FAM3B: variants seen among roughly 807,000 people sequenced by gnomAD.
FAM3B encodes the protein FAM3 metabolism regulating signaling molecule B, also known as protein FAM3B.
FAM3B carries 29 observed loss-of-function variants against 28.4 expected under a neutral mutation model. The ratio of observed to expected loss-of-function variants is 1.02; its 90% confidence interval spans 0.76 to 1.39. The LOEUF (loss-of-function observed/expected upper bound fraction) is 1.39. Ranked by LOEUF, FAM3B falls within the 40% of genes most tolerant of loss-of-function variation. The pLI is 0.00. For missense variants in FAM3B, 266 were observed against 293.9 expected, an observed-to-expected ratio of 0.91 and a Z score of 0.69; for synonymous variants, 91 against 103.0, an observed-to-expected ratio of 0.88 and a Z score of 0.71.
chr21:41,346,945 G>T (rs569403728), intron 5 of FAM3B, 68 bp from the exon 6 acceptor site: 1 of 1,383,118 alleles, frequency 7.2e-7, no homozygotes, highest in South Asian at 1.2e-5. Flanking sequence ...GCAGGAGGAA[G>T]CCCAGCACCC....
intron 1 of FAM3B, among the ~76,000 whole-genome samples, chr21:41,307,745 A>G (rs978200258): frequency 6.6e-6 from 1 of 152,230 alleles, no homozygotes; most frequent in Non-Finnish European, 1.5e-5. Flanking sequence ...ACACACATAT[A>G]TGGATGAAGT....
Position 41,344,765 on chromosome 21 carries a change from G to T in FAM3B, c.346+231G>T, listed in dbSNP as rs77751326. ...AAATATAGACTTTATTTTAAAAAAAGAAAAAAACAGAGGGATAGGCCAAAG... is the reference window on the plus strand; with the variant it reads ...AAATATAGACTTTATTTTAAAAAAATAAAAAAACAGAGGGATAGGCCAAAG... On this transcript the variant is annotated intron_variant, in intron 4 of 7. Transcript: ENST00000357985. 2.0e-5 allele frequency among the ~76,000 whole-genome samples: 3 copies of T among 152,124 alleles called. 1 individual carries two copies. The highest frequency in any genetic ancestry group is 2.9e-5 in the Non-Finnish European group (2 of 67,964).
At chr21:41,348,161 G>C (rs536524883) in intron 6 of FAM3B, among the ~76,000 whole-genome samples, 4 of 152,010 alleles carry the variant, frequency 2.6e-5, no homozygotes, top group Non-Finnish European at 5.9e-5. Context: ...TTTCCTTTTT[G>C]ATGTGGACTT....
intron 7 of FAM3B, among the ~76,000 whole-genome samples, chr21:41,353,618 T>C (rs1488555409): frequency 1.3e-5 from 2 of 152,218 alleles, no homozygotes; most frequent in South Asian, 2.1e-4. Flanking sequence ...TGGAAAAGAA[T>C]AGACTTGGAC....
intron 1 of FAM3B, chr21:41,320,291 T>C (rs1418611233): frequency 3.9e-5 from 6 of 152,142 alleles, no homozygotes; most frequent in Non-Finnish European, 5.9e-5. Flanking sequence ...TTAAAATTTT[T>C]TGTAGACATG....
chr21:41,334,546 T>C (rs923654739), intron 2 of FAM3B, among the ~76,000 whole-genome samples: 1 of 152,144 alleles, frequency 6.6e-6, no homozygotes, highest in Non-Finnish European at 1.5e-5. Flanking sequence ...TCACATGATA[T>C]TAAGCCTGCA....
chr21:41,319,150 C>CT (rs1266043400), intron 1 of FAM3B, among the ~76,000 whole-genome samples: 3 of 152,252 alleles, frequency 2.0e-5, no homozygotes, highest in Admixed American at 6.6e-5. Context: ...GGTTCCTTAG[C>CT]TTTCCAAAAT....
At chr21:41,347,158 C>CT in intron 6 of FAM3B, 58 bp downstream of exon 6, 1 of 1,432,918 alleles carries the variant, frequency 7.0e-7, no homozygotes, top group Non-Finnish European at 9.9e-7. Context: ...GGGGCAGAGG[C>CT]TGCCAGGGTC....
chr21:41,329,719 A>G (rs897632927), intron 2 of FAM3B, among the ~76,000 whole-genome samples: 1 of 151,930 alleles, frequency 6.6e-6, no homozygotes, highest in Non-Finnish European at 1.5e-5. Context: ...ACAGGTGCTC[A>G]CCACCTCACC....
At chr21:41,334,519 A>T (rs1276214835) in intron 2 of FAM3B, among the ~76,000 whole-genome samples, 2 of 152,194 alleles carry the variant, frequency 1.3e-5, no homozygotes, top group Admixed American at 1.3e-4. Flanking sequence ...GGTGCAGGCC[A>T]TAAGCCTGGG....
At position 41,357,111 on chromosome 21, in the gene FAM3B, A is replaced by T. The variant is rs1423451300; in HGVS notation, c.622A>T (p.Asn208Tyr). The T allele has an allele frequency of 1.9e-6, 3 of 1,611,302 alleles. No homozygotes were observed. The highest frequency in any genetic ancestry group is 2.5e-6 in the Non-Finnish European group (3 of 1,178,520). ...AACTCTTCTTTTCTCTACACAGATC[A>T]ACCACTCTGATGCTAAGAACAACAG... ...LPSEIQREKI[N>Y]HSDAKNNRYS... is the part of the protein sequence containing the mutation. The change falls in exon 8 of 8, where the codon AAC becomes TAC. Residue 208 changes from asparagine (N) to tyrosine (Y), a missense_variant. Physicochemically the swap from Asn to Tyr is moderately radical, Grantham distance 143 (BLOSUM62 -2). Transcript: ENST00000357985.
At chr21:41,323,349 T>TC (rs751981846) in intron 2 of FAM3B, among the ~76,000 whole-genome samples, 2 of 152,150 alleles carry the variant, frequency 1.3e-5, no homozygotes, top group African/African-American at 4.8e-5. Context: ...CTTGGCTTCC[T>TC]CCCCTGGGAA....
intron 1 of FAM3B, chr21:41,320,207 C>T (rs996581005): frequency 6.6e-6 from 1 of 152,150 alleles, no homozygotes; most frequent in Admixed American, 6.6e-5. Context: ...GTTCTGGGCT[C>T]AGGCAATCCT....
At chr21:41,311,837 C>T (rs2088716067), upstream of FAM3B, among the ~76,000 whole-genome samples, 1 of 152,118 alleles carries the variant, frequency 6.6e-6, no homozygotes, top group Non-Finnish European at 1.5e-5. Flanking sequence ...AAAGACATAC[C>T]TGAGACTGGG....
intron 1 of FAM3B, among the ~76,000 whole-genome samples, chr21:41,317,923 G>A (rs531277461): frequency 1.3e-5 from 2 of 152,198 alleles, no homozygotes; most frequent in Admixed American, 6.6e-5. Context: ...CACTGTTTTC[G>A]ATAACTTGTG....
chr21:41,332,706 G>C (rs1344433580), intron 2 of FAM3B, among the ~76,000 whole-genome samples: 1 of 152,000 alleles, frequency 6.6e-6, no homozygotes, highest in African/African-American at 2.4e-5. Context: ...CACATTTATT[G>C]GTCTGTTCCT....
rs116559929 is a variant in FAM3B, at chr21:41,309,658, C to A, written n.99+5348C>A. ...GAGAGCCATGGATTTTCTGTACAGA[C>A]ACATTTGGCACATTCAGGAGACTCA... On this transcript the variant is annotated intron_variant and non_coding_transcript_variant, in intron 1 of 9. Transcript: ENST00000479810. Among the ~76,000 whole-genome samples, 718 of 152,310 alleles carry A rather than the reference C, an allele frequency of 4.7e-3. 5 individuals carry two copies. Among genetic ancestry groups the A allele is most frequent in the African/African-American group, 0.016 (682 of 41,568 alleles).
intron 2 of FAM3B, among the ~76,000 whole-genome samples, chr21:41,328,456 G>A (rs1325697357): frequency 6.6e-6 from 1 of 151,992 alleles, no homozygotes; most frequent in African/African-American, 2.4e-5. Flanking sequence ...GTTTTCATAT[G>A]AGCAATTGGA....
In FAM3B at chr21:41,344,591, A is replaced by G. The variant is rs1379657806; in HGVS notation, c.346+57A>G. On this transcript the variant is annotated intron_variant, in intron 4 of 7. Coordinates refer to ENST00000357985, the MANE Select transcript of FAM3B (RefSeq NM_058186.4). ...CTAAAAGCTCTCTGGTCAGATTTTC[A>G]AAGGTACCTTGGGTTTTCGAGACTT... The G allele has an allele frequency of 7.3e-6, 11 of 1,504,468 alleles. No homozygotes were observed. In the Admixed American group the frequency reaches 1.7e-4, roughly 23 times the overall value. 93.2% of individuals were successfully genotyped at this position (1,504,468 alleles called of 1,614,324 possible).
Sources: gnomAD v4.1 joint callset for allele counts (sites outside exome capture counted in the v4.1 genomes callset) on GRCh38, gnomAD v4.1.1 for gene constraint, MANE v1.5 for transcripts, NCBI Gene and HGNC (gene_info 2026-07-23, HGNC 2026-07-21) for gene names.